GSG1L: variants seen among roughly 807,000 people sequenced by gnomAD.
The protein encoded by GSG1L is GSG1 like.
GSG1L carries 24 observed loss-of-function variants against 42.1 expected under a neutral mutation model. That is an observed-to-expected ratio of 0.57 (90% CI 0.41 to 0.80). The LOEUF (loss-of-function observed/expected upper bound fraction) is 0.80. Among genes scored for constraint, GSG1L ranks in the 30% least tolerant of loss-of-function variants. The pLI is 0.00. For synonymous variants in GSG1L, 215 were observed against 203.5 expected, an observed-to-expected ratio of 1.06 and a Z score of -0.48; for missense variants, 445 against 472.2, an observed-to-expected ratio of 0.94 and a Z score of 0.53.
chr16:27,912,380 G>A (rs1440726399), intron 2 of GSG1L, among the ~76,000 whole-genome samples: 1 of 152,140 alleles, frequency 6.6e-6, no homozygotes, highest in African/African-American at 2.4e-5. Flanking sequence ...AGCCAGGCAT[G>A]GTGGTGTGCA....
chr16:27,941,725 C>A (rs1416733366), intron 2 of GSG1L, among the ~76,000 whole-genome samples: 2 of 151,922 alleles, frequency 1.3e-5, no homozygotes, highest in African/African-American at 4.8e-5. Context: ...CCTCAACAGA[C>A]AAATGGATAA....
At chr16:27,859,880 C>A (rs971412777) in intron 3 of GSG1L, among the ~76,000 whole-genome samples, 1 of 151,652 alleles carries the variant, frequency 6.6e-6, no homozygotes, top group Non-Finnish European at 1.5e-5. Context: ...CAGGGTCTCG[C>A]TCTGTTGGCT....
chr16:27,954,714 T>C, intron 2 of GSG1L, among the ~76,000 whole-genome samples: 1 of 152,176 alleles, frequency 6.6e-6, no homozygotes, highest in East Asian at 1.9e-4. Context: ...AGTGTGGTGG[T>C]ACGATCCTAG....
chr16:27,862,185 A>G (rs992577233), intron 3 of GSG1L, among the ~76,000 whole-genome samples: 1 of 152,234 alleles, frequency 6.6e-6, no homozygotes, highest in Non-Finnish European at 1.5e-5. Context: ...ATGTTACATA[A>G]GATTGTGACA....
chr16:27,945,924 GA>G (rs1156633655), intron 2 of GSG1L, among the ~76,000 whole-genome samples: 5 of 152,246 alleles, frequency 3.3e-5, no homozygotes, highest in Non-Finnish European at 7.3e-5. Context: ...CTGATGAGCA[GA>G]GGGTAACTCG....
rs180755279 is a variant in GSG1L, at chr16:27,856,267, C to A, written c.551-11206G>T. On this transcript the variant is annotated intron_variant, in intron 3 of 6. Transcript: ENST00000447459. ...CAGGGACAGTGGGGGACAAAATAATCCCCCATTGAATCCACTGTTTTAGAT... is the reference window on the plus strand; with the variant it reads ...CAGGGACAGTGGGGGACAAAATAATACCCCATTGAATCCACTGTTTTAGAT... 1.3e-3 allele frequency among the ~76,000 whole-genome samples: 198 copies of A among 152,238 alleles called. 2 individuals are homozygous for A. The highest frequency in any genetic ancestry group is 2.6e-3 in the Non-Finnish European group (174 of 68,004).
intron 1 of GSG1L, among the ~76,000 whole-genome samples, chr16:28,007,040 T>A (rs2085648722): frequency 6.6e-6 from 1 of 152,098 alleles, no homozygotes; most frequent in African/African-American, 2.4e-5. Flanking sequence ...CATAGGCCCC[T>A]CCACCACTCC....
At chr16:27,803,779 A>AC (rs2082912821) in intron 6 of GSG1L, among the ~76,000 whole-genome samples, 2 of 83,366 alleles carry the variant, frequency 2.4e-5, no homozygotes, top group African/African-American at 1.0e-4. Context: ...ATATATATAT[A>AC]TATATATATA....
At chr16:27,947,505 A>G (rs1247154861) in intron 2 of GSG1L, among the ~76,000 whole-genome samples, 1 of 151,132 alleles carries the variant, frequency 6.6e-6, no homozygotes, top group Non-Finnish European at 1.5e-5. Context: ...AAGAGAAAGA[A>G]AGAAGGAAAG....
chr16:27,960,710 T>C (rs1020160776), intron 2 of GSG1L, among the ~76,000 whole-genome samples: 2 of 152,120 alleles, frequency 1.3e-5, no homozygotes, highest in Admixed American at 6.5e-5. Context: ...TGGGCCCGTA[T>C]ACATGGGGGG....
chr16:28,032,611 C>T lies in GSG1L; in HGVS notation c.349+30465G>A, dbSNP rs143183989. On this transcript the variant is annotated intron_variant, in intron 1 of 6. Transcript: ENST00000447459. ...TCACACAGACAGAACAAACATAACC[C>T]GGCCAGGTCTGAATTTAAGATCGCT... 4.5e-4 allele frequency among the ~76,000 whole-genome samples: 69 copies of T among 152,278 alleles called. No individual in the cohort carries two copies. The East Asian group carries it at 6.9e-3, about 15-fold the overall frequency.
At chr16:28,012,692 C>T (rs116068177) in intron 1 of GSG1L, among the ~76,000 whole-genome samples, 30 of 152,040 alleles carry the variant, frequency 2.0e-4, no homozygotes, top group African/African-American at 7.2e-4. Flanking sequence ...TCCAGGCCAG[C>T]CTCAGCTACA....
chr16:28,043,335 C>T (rs763318807), intron 1 of GSG1L, among the ~76,000 whole-genome samples: 7 of 152,174 alleles, frequency 4.6e-5, no homozygotes, highest in South Asian at 2.1e-4. Context: ...GCTTTGATCA[C>T]GAGCATAGAA....
chr16:27,846,685 T>A (rs1252563356), intron 3 of GSG1L, among the ~76,000 whole-genome samples: 1 of 152,156 alleles, frequency 6.6e-6, no homozygotes, highest in Non-Finnish European at 1.5e-5. Flanking sequence ...CCGGGCACGG[T>A]GGCTCATGCC....
At chr16:28,053,868 G>A (rs532488333) in intron 1 of GSG1L, among the ~76,000 whole-genome samples, 25 of 152,218 alleles carry the variant, frequency 1.6e-4, no homozygotes, top group African/African-American at 7.2e-5. Flanking sequence ...CACCCAATGC[G>A]GTGCACGTGC....
chr16:28,002,774 C>CAA (rs753093273), intron 1 of GSG1L, among the ~76,000 whole-genome samples: 7 of 133,140 alleles, frequency 5.3e-5, no homozygotes, highest in African/African-American at 1.1e-4. Flanking sequence ...ACTAAAAATA[C>CAA]AAAAAAAAAA....
chr16:27,890,142 T>G (rs2084108498), intron 2 of GSG1L, among the ~76,000 whole-genome samples: 1 of 152,154 alleles, frequency 6.6e-6, no homozygotes, highest in Non-Finnish European at 1.5e-5. Flanking sequence ...GGGCGTAGGA[T>G]TCCCTAGTCA....
intron 2 of GSG1L, among the ~76,000 whole-genome samples, chr16:27,895,429 C>T (rs1294561808): frequency 3.9e-5 from 6 of 152,172 alleles, no homozygotes; most frequent in Admixed American, 2.6e-4. Context: ...CGAAATCAGT[C>T]ATTTCTATCT....
chr16:27,905,614 C>G (rs967645744), intron 2 of GSG1L, among the ~76,000 whole-genome samples: 6 of 152,164 alleles, frequency 3.9e-5, no homozygotes, highest in African/African-American at 1.4e-4. Context: ...ACCTTTAAGA[C>G]ATGGACAGAA....
Sources: allele counts gnomAD v4.1 joint callset (sites outside exome capture counted in the v4.1 genomes callset), GRCh38; gene constraint gnomAD v4.1.1; transcripts MANE v1.5; gene names NCBI Gene and HGNC (gene_info 2026-07-23, HGNC 2026-07-21).